Variants in LDHB observed in about 807,000 individuals in gnomAD.
LDHB encodes the protein lactate dehydrogenase B.
A neutral mutation model predicts 33.4 loss-of-function variants in LDHB; 18 were observed. That is an observed-to-expected ratio of 0.54 (90% confidence interval 0.37 to 0.80). The LOEUF (loss-of-function observed/expected upper bound fraction) is 0.80, where lower values mean the gene tolerates loss of function less well. Ranked by LOEUF, LDHB falls within the 30% of genes least tolerant of loss-of-function variation. The pLI is 0.00. For synonymous variants in LDHB, 121 were observed against 140.6 expected (o/e 0.86, Z 0.98); for missense variants, 345 against 407.9 (o/e 0.85, Z 1.33).
chr12:21,653,068 T>G (rs1297670307), intron 2 of LDHB, among the ~76,000 whole-genome samples: 1 of 152,112 alleles, frequency 6.6e-6, no homozygotes, highest in African/African-American at 2.4e-5. Context: ...TCAGAAGAAA[T>G]AAGGAATCCA....
intron 2 of LDHB, among the ~76,000 whole-genome samples, chr12:21,647,263 A>G (rs1938551732): frequency 6.6e-6 from 1 of 152,200 alleles, no homozygotes; most frequent in Admixed American, 6.5e-5. Flanking sequence ...TAGTGAATAC[A>G]AGTCTATATT....
chr12:21,635,808 G>A (rs1391652338), intron 7 of LDHB, 99 bp from the exon 8 acceptor site: 1 of 1,075,232 alleles, frequency 9.3e-7, no homozygotes, highest in Non-Finnish European at 1.4e-6. Flanking sequence ...GAGCCCAGGA[G>A]TTTGAAGCTT....
chr12:21,637,242 T>C (rs758935312), intron 6 of LDHB, 48 bp from the exon 7 acceptor site: 15 of 1,454,080 alleles, frequency 1.0e-5, no homozygotes, highest in East Asian at 6.8e-5. Flanking sequence ...TCAATCATTA[T>C]TGAAACCAGA....
chr12:21,653,430 T>C (rs558465104), intron 2 of LDHB, among the ~76,000 whole-genome samples: 3 of 152,228 alleles, frequency 2.0e-5, no homozygotes, highest in Admixed American at 2.0e-4. Flanking sequence ...CCCTCACACA[T>C]CTGTGGAAAA....
chr12:21,635,683 G>T lies in LDHB; in HGVS notation c.864C>A (p.Val288=). Residue 288 remains valine, a synonymous_variant, in exon 8 of 8, where the codon GTC becomes GTA. Coordinates refer to ENST00000350669, the MANE Select transcript of LDHB (RefSeq NM_002300.8). Reference sequence around the variant, plus strand: ...TGAGGATACATGGAAGGCTCAGGAAGACTTCATTCTCAATGCCATACATCC... The same window carrying T: ...TGAGGATACATGGAAGGCTCAGGAATACTTCATTCTCAATGCCATACATCC... ...VKGMYGIENE[V]FLSLPCILNA... is the part of the protein sequence containing the mutation. The T allele has an allele frequency of 6.2e-7, 1 of 1,613,762 alleles. No homozygotes were observed. The highest frequency in any genetic ancestry group is 1.1e-5 in the South Asian group (1 of 91,072).
intron 5 of LDHB, among the ~76,000 whole-genome samples, chr12:21,639,594 C>T (rs1253570048): frequency 3.3e-5 from 5 of 152,130 alleles, no homozygotes; most frequent in African/African-American, 1.2e-4. Flanking sequence ...TTTTACTGTA[C>T]ACCTGACATT....
Position 21,654,592 on chromosome 12 carries a change from A to G in LDHB, c.80T>C (p.Val27Ala). ...ATVPNNKITV[V>A]GVGQVGMACA... is the part of the protein sequence containing the mutation. Reference sequence around the variant, plus strand: ...CGCCATACCAACTTGTCCAACACCCACTACAGTGATCTTATTGTTTGGAAC... The same window carrying G: ...CGCCATACCAACTTGTCCAACACCCGCTACAGTGATCTTATTGTTTGGAAC... Residue 27 changes from valine to alanine, a missense_variant, in exon 2 of 8, where the codon GTG becomes GCG. By Grantham distance (64) the Val-to-Ala change is moderately conservative (BLOSUM62 0). Coordinates refer to ENST00000350669, the MANE Select transcript of LDHB (RefSeq NM_002300.8). The G allele has an allele frequency of 6.2e-7, 1 of 1,614,078 alleles. No homozygotes were observed. The highest frequency in any genetic ancestry group is 8.5e-7 in the Non-Finnish European group (1 of 1,179,924).
rs1354599467 is a variant in LDHB at position 21,647,085 on chromosome 12, A to G, written c.130-69T>C. 4.6e-6 allele frequency: 4 copies of G among 870,642 alleles called. No individual in the cohort carries two copies. In the East Asian group the frequency reaches 9.7e-5, roughly 21 times the overall value. The allele number at this position is 870,642 out of a possible 1,614,324, so 53.9% of individuals were successfully genotyped here. ...GATGCGTCAGCTCACAATCTAACCCAAAGAAAGATCTTTAACATGGCTAAG... is the reference window on the plus strand; with the variant it reads ...GATGCGTCAGCTCACAATCTAACCCGAAGAAAGATCTTTAACATGGCTAAG... On this transcript the variant is annotated intron_variant, in intron 2 of 7. Coordinates refer to ENST00000350669, the MANE Select transcript of LDHB (RefSeq NM_002300.8).
intron 7 of LDHB, 151 bp downstream of exon 7, chr12:21,636,920 C>T: frequency 1.4e-6 from 1 of 729,626 alleles, no homozygotes; most frequent in Non-Finnish European, 2.4e-6. Flanking sequence ...TCCAAGACTT[C>T]TGTTGGAAAA....
intron 3 of LDHB, among the ~76,000 whole-genome samples, chr12:21,645,397 C>G (rs977483421): frequency 6.6e-6 from 1 of 151,958 alleles, no homozygotes; most frequent in Non-Finnish European, 1.5e-5. Flanking sequence ...GGGTCTGTGC[C>G]GAGGAGGATT....
Position 21,638,445 on chromosome 12 carries a change from C to G in LDHB, c.621G>C (p.Val207=). 1.2e-6 allele frequency: 2 copies of G among 1,606,178 alleles called. No individual in the cohort carries two copies. The highest frequency in any genetic ancestry group is 1.7e-6 in the Non-Finnish European group (2 of 1,174,226). The part of the protein sequence containing the change: ...SSVAVWSGVN[V]AGVSLQELNP... ...TCAATTCCTGGAGAGAAACACCTGC[C>G]ACATTCACACCACTCCACACAGCCA... The change falls in exon 6 of 8, where the codon GTG becomes GTC. Residue 207 remains valine (V), a synonymous_variant. Transcript: ENST00000350669.
At chr12:21,647,844 G>A (rs1677109) in intron 2 of LDHB, among the ~76,000 whole-genome samples, 143,577 of 151,898 alleles carry the variant, frequency 0.95, 68,355 homozygotes, top group East Asian at 1. Flanking sequence ...TTACAGGTAC[G>A]TGCCACCACA....
chr12:21,649,530 TAG>T (rs1297249477), intron 2 of LDHB, among the ~76,000 whole-genome samples: 1 of 152,216 alleles, frequency 6.6e-6, no homozygotes, highest in East Asian at 1.9e-4. Context: ...CAGCAAGGTT[TAG>T]ATTAACTGCA....
chr12:21,654,362 A>G lies in LDHB; in HGVS notation c.129+181T>C, dbSNP rs189805714. 3,077 of 618,160 alleles carry G rather than the reference A, an allele frequency of 5.0e-3. 14 individuals carry two copies. Among genetic ancestry groups the G allele is most frequent in the Non-Finnish European group, 6.7e-3 (2,361 of 351,204 alleles). 38.3% of individuals were successfully genotyped at this position (618,160 alleles called of 1,614,324 possible). A position where few individuals can be genotyped will look rare whatever the true frequency, so the allele number is the denominator to read the frequency against. On this transcript the variant is annotated intron_variant, in intron 2 of 7. Coordinates refer to ENST00000350669, the MANE Select transcript of LDHB (RefSeq NM_002300.8). ...CTATTTATGGTCACATAGGGAGAATATAATTCTTTTAGGAGATACATGCTT... is the reference window on the plus strand; with the variant it reads ...CTATTTATGGTCACATAGGGAGAATGTAATTCTTTTAGGAGATACATGCTT...
intron 2 of LDHB, among the ~76,000 whole-genome samples, chr12:21,653,581 G>A (rs759651334): frequency 5.3e-5 from 8 of 151,954 alleles, no homozygotes; most frequent in South Asian, 4.2e-4. Context: ...AGACAAATAC[G>A]TCATGGACAT....
chr12:21,650,835 A>T (rs1938669525), intron 2 of LDHB, among the ~76,000 whole-genome samples: 1 of 152,240 alleles, frequency 6.6e-6, no homozygotes, highest in African/African-American at 2.4e-5. Context: ...CTGCCATGGA[A>T]CATATCAGGA....
Position 21,644,098 on chromosome 12 carries a change from C to G in LDHB, c.258G>C (p.Val86=). 4.3e-6 allele frequency: 7 copies of G among 1,611,516 alleles called. No individual in the cohort carries two copies. Among genetic ancestry groups the G allele is most frequent in the Non-Finnish European group, 5.9e-6 (7 of 1,177,770 alleles). ...PKIVADKDYS[V]TANSKIVVVT... is the part of the protein sequence containing the mutation. Reference sequence around the variant, plus strand: ...CCACTACAATCTTAGAATTGGCAGTCACAGAATAATCTTTAAAAAGAAAAG... The same window carrying G: ...CCACTACAATCTTAGAATTGGCAGTGACAGAATAATCTTTAAAAAGAAAAG... The change falls in exon 4 of 8, where the codon GTG becomes GTC. Residue 86 remains valine (V), a synonymous_variant. Coordinates refer to ENST00000350669, the MANE Select transcript of LDHB (RefSeq NM_002300.8).
At chr12:21,651,070 A>G (rs1281618931) in intron 2 of LDHB, among the ~76,000 whole-genome samples, 5 of 152,242 alleles carry the variant, frequency 3.3e-5, no homozygotes, top group African/African-American at 4.8e-5. Flanking sequence ...GTGAAGGGAA[A>G]TGCAAGCAAA....
At chr12:21,642,908 C>G (rs1348534019) in intron 4 of LDHB, among the ~76,000 whole-genome samples, 6 of 152,186 alleles carry the variant, frequency 3.9e-5, no homozygotes, top group Non-Finnish European at 8.8e-5. Context: ...AAGTGACTCC[C>G]TGGAAAATCC....
Sources: allele counts gnomAD v4.1 joint callset (sites outside exome capture counted in the v4.1 genomes callset), GRCh38; gene constraint gnomAD v4.1.1; transcripts MANE v1.5; gene names NCBI Gene and HGNC (gene_info 2026-07-23, HGNC 2026-07-21).